Variants in CSMD2 observed in about 807,000 individuals in gnomAD.
CSMD2 encodes the protein CUB and Sushi multiple domains 2.
In CSMD2, 130 loss-of-function variants were observed where a neutral mutation model predicts 398.5. The ratio of observed to expected loss-of-function variants is 0.33; its 90% CI spans 0.28 to 0.38. The LOEUF is 0.38. Ranked by LOEUF, CSMD2 falls within the 10% of genes least tolerant of loss-of-function variation. The pLI is 1.00. For synonymous variants in CSMD2, 1,828 were observed against 1,908.5 expected (o/e 0.96, Z 1.10); for missense variants, 3,829 against 4,764.9 (o/e 0.80, Z 5.78).
chr1:33,670,334 T>C (rs904871776), intron 25 of CSMD2, among the ~76,000 whole-genome samples: 1 of 152,228 alleles, frequency 6.6e-6, no homozygotes. Flanking sequence ...TTGGTGAATG[T>C]TGTCTGACTG....
At position 33,519,981 on chromosome 1, in the gene CSMD2, C is replaced by A; in HGVS notation, c.10598-31G>T. The A allele has an allele frequency of 1.2e-6, 2 of 1,612,042 alleles. No individual in the cohort carries two copies. Among genetic ancestry groups the A allele is most frequent in the South Asian group, 2.2e-5 (2 of 90,940 alleles). ...AAGTCCCAAAGCAGAAAAGTCAAGT[C>A]ACGAGACACAGTCTGAGGCTCCGTT... On this transcript the variant is annotated intron_variant, in intron 68 of 70. Transcript: ENST00000373381. The surrounding 1 kb of genome is among the most constrained non-coding windows in gnomAD (Gnocchi z 5.6).
At chr1:33,915,826 C>T (rs937089828) in intron 5 of CSMD2, among the ~76,000 whole-genome samples, 11 of 152,210 alleles carry the variant, frequency 7.2e-5, no homozygotes, top group African/African-American at 2.4e-4. Flanking sequence ...AAACTCATCA[C>T]AGATATCGCA....
intron 2 of CSMD2, among the ~76,000 whole-genome samples, chr1:34,081,439 G>C (rs990597932): frequency 1.5e-5 from 2 of 132,518 alleles, no homozygotes; most frequent in African/African-American, 2.9e-5. Context: ...CCTCTTCTTC[G>C]TCTCCCGCTT....
intron 3 of CSMD2, among the ~76,000 whole-genome samples, chr1:34,023,413 A>G (rs1312626539): frequency 3.9e-5 from 6 of 152,204 alleles, no homozygotes; most frequent in Admixed American, 6.5e-5. Context: ...GGGTCTTCTC[A>G]GAGTAGCCAC....
intron 32 of CSMD2, among the ~76,000 whole-genome samples, chr1:33,629,461 T>A (rs1266558744): frequency 2.0e-5 from 3 of 152,164 alleles, no homozygotes; most frequent in Non-Finnish European, 4.4e-5. Context: ...AGAGAAGATA[T>A]GTCAGGAAAA....
At chr1:33,960,261 C>A (rs1240259164) in intron 3 of CSMD2, among the ~76,000 whole-genome samples, 2 of 152,154 alleles carry the variant, frequency 1.3e-5, no homozygotes, top group African/African-American at 4.8e-5. Context: ...GGCCTCAGAC[C>A]ACCTCCTCTG....
intron 62 of CSMD2, among the ~76,000 whole-genome samples, chr1:33,536,820 T>C (rs1655838166): frequency 6.6e-6 from 1 of 152,236 alleles, no homozygotes; most frequent in African/African-American, 2.4e-5. Flanking sequence ...TCAGTTTCTC[T>C]GACGGATGTT....
At chr1:34,092,739 A>C (rs1273598508) in intron 1 of CSMD2, among the ~76,000 whole-genome samples, 3 of 152,210 alleles carry the variant, frequency 2.0e-5, no homozygotes, top group Non-Finnish European at 4.4e-5. Context: ...TATATCCCGC[A>C]CCTGGCTCGG....
chr1:33,557,364 G>A (rs1658096394), intron 55 of CSMD2, among the ~76,000 whole-genome samples: 1 of 152,098 alleles, frequency 6.6e-6, no homozygotes, highest in Non-Finnish European at 1.5e-5. Flanking sequence ...GGGTTCATGT[G>A]CTGTGTTTCT....
intron 5 of CSMD2, among the ~76,000 whole-genome samples, chr1:33,903,589 C>T (rs1354731282): frequency 6.6e-6 from 1 of 152,196 alleles, no homozygotes; most frequent in Non-Finnish European, 1.5e-5. Flanking sequence ...AAGGCAGAAG[C>T]AGATCTCTCC....
At chr1:33,675,966 A>G (rs1253270539) in intron 25 of CSMD2, among the ~76,000 whole-genome samples, 1 of 152,234 alleles carries the variant, frequency 6.6e-6, no homozygotes, top group African/African-American at 2.4e-5. Context: ...TCTCAAAATA[A>G]TAAGAGCTAT....
chr1:33,655,056 A>G (rs1202598762), intron 27 of CSMD2, among the ~76,000 whole-genome samples: 1 of 152,362 alleles, frequency 6.6e-6, no homozygotes, highest in Middle Eastern at 3.4e-3. Context: ...TGCCTCGCCA[A>G]CAGGAAGGCT....
chr1:34,002,479 T>A (rs1321230188), intron 3 of CSMD2, among the ~76,000 whole-genome samples: 3 of 152,182 alleles, frequency 2.0e-5, no homozygotes, highest in Non-Finnish European at 4.4e-5. Flanking sequence ...AATGGGCACA[T>A]AATAGTTAAT....
chr1:33,597,241 C>T (rs1639902653), intron 44 of CSMD2, among the ~76,000 whole-genome samples: 2 of 152,172 alleles, frequency 1.3e-5, no homozygotes, highest in African/African-American at 4.8e-5. Context: ...CACTCCCTTC[C>T]ACTGTCCACT....
intron 5 of CSMD2, among the ~76,000 whole-genome samples, chr1:33,917,568 T>A (rs2125281548): frequency 6.6e-6 from 1 of 152,306 alleles, no homozygotes; most frequent in South Asian, 2.1e-4. Flanking sequence ...AGCCTGCACT[T>A]TTTTAGCAAA....
chr1:33,675,181 G>T (rs1644661968), intron 25 of CSMD2, among the ~76,000 whole-genome samples: 1 of 152,090 alleles, frequency 6.6e-6, no homozygotes, highest in South Asian at 2.1e-4. Flanking sequence ...CTAGTTTTTT[G>T]AAAAGATCAA....
Position 33,557,513 on chromosome 1 carries a change from AC to A in CSMD2, c.8743+220del, listed in dbSNP as rs1658119067. 4.6e-5 allele frequency among the ~76,000 whole-genome samples: 7 copies of A among 152,312 alleles called. No individual in the cohort carries two copies. In the South Asian group the frequency reaches 1.5e-3, roughly 32 times the overall value. The stretch of plus-strand genomic sequence containing the variant: ...GGCCTCTAGCTAGGAAAGTGAGAAC[AC>A]AAAAATTGGTATGGAAGTCACCCAA... On this transcript the variant is annotated intron_variant, in intron 55 of 70. Coordinates refer to ENST00000373381, the MANE Select transcript of CSMD2 (RefSeq NM_001281956.2).
intron 2 of CSMD2, among the ~76,000 whole-genome samples, chr1:34,036,908 C>T (rs1651198375): frequency 1.3e-5 from 2 of 152,124 alleles, no homozygotes; most frequent in Admixed American, 1.3e-4. Flanking sequence ...GTTTATCATA[C>T]AAGTTACAGG....
chr1:34,033,616 C>G (rs1650734481), intron 2 of CSMD2, among the ~76,000 whole-genome samples: 1 of 152,210 alleles, frequency 6.6e-6, no homozygotes, highest in African/African-American at 2.4e-5. Flanking sequence ...TCCTACACAC[C>G]TTTGTCCTTA....
Sources: gnomAD v4.1 joint callset for allele counts (sites outside exome capture counted in the v4.1 genomes callset) on GRCh38, gnomAD v4.1.1 for gene constraint, Gnocchi (gnomAD v3.1) non-coding constraint, MANE v1.5 for transcripts, NCBI Gene and HGNC (gene_info 2026-07-23, HGNC 2026-07-21) for gene names.